Variants in SEMA6A observed in about 807,000 individuals in gnomAD.
SEMA6A encodes semaphorin-6A.
Under a neutral mutation model 96.8 loss-of-function variants are expected in SEMA6A, and 25 were observed. That is an observed-to-expected ratio of 0.26 (90% confidence interval 0.19 to 0.36). The LOEUF is 0.36. Ranked by LOEUF, SEMA6A falls within the 10% of genes least tolerant of loss-of-function variation. The pLI, the probability that SEMA6A is intolerant of heterozygous loss-of-function variation, is 1.00. For synonymous variants in SEMA6A, 612 were observed against 518.0 expected, an observed-to-expected ratio of 1.18 and a Z score of -2.46; for missense variants, 1,363 against 1,323.1, an observed-to-expected ratio of 1.03 and a Z score of -0.47.
At chr5:116,559,499 G>A (rs254206) in intron 1 of SEMA6A, among the ~76,000 whole-genome samples, 113,669 of 151,992 alleles carry the variant, frequency 0.75, 42,970 homozygotes, top group East Asian at 0.85. Context: ...GGCTGACGCC[G>A]TTTTAGGCCT....
intron 8 of SEMA6A, 98 bp downstream of exon 8, chr5:116,488,790 C>T (rs1036449814): frequency 2.5e-5 from 33 of 1,340,674 alleles, no homozygotes; most frequent in Middle Eastern, 1.9e-4. Context: ...AGCCATTACT[C>T]AAATGAAGAT....
At chr5:116,488,862 C>T (rs1347492801) in intron 8 of SEMA6A, 26 bp downstream of exon 8, 1 of 1,544,844 alleles carries the variant, frequency 6.5e-7, no homozygotes, top group Non-Finnish European at 8.7e-7. Flanking sequence ...CCCCTCCGAC[C>T]CTCCTTCTTT....
Position 116,447,170 on chromosome 5 carries a change from G to T in SEMA6A, c.2536C>A (p.Gln846Lys). 1.9e-6 allele frequency: 3 copies of T among 1,614,020 alleles called. No homozygotes were observed. The highest frequency in any genetic ancestry group is 1.7e-6 in the Non-Finnish European group (2 of 1,179,892). ...GTCTTATACTCCAGTGTGGCGGCCTGGTCCTCCAGCGCCATCTGGGCCACC... is the reference window on the plus strand; with the variant it reads ...GTCTTATACTCCAGTGTGGCGGCCTTGTCCTCCAGCGCCATCTGGGCCACC... ...SEVAQMALEDQAATLEYKTIK... is the reference protein window; with the variant it reads ...SEVAQMALEDKAATLEYKTIK... Residue 846 changes from glutamine to lysine, a missense_variant, in exon 19 of 19, where the codon CAG (glutamine) becomes AAG (lysine). This residue lies in a region of SEMA6A where 883 missense variants were observed against 763.6 expected (regional missense o/e 1.16). Transcript: ENST00000343348.
intron 1 of SEMA6A, among the ~76,000 whole-genome samples, chr5:116,516,231 T>C (rs914484121): frequency 6.6e-6 from 1 of 152,186 alleles, no homozygotes; most frequent in African/African-American, 2.4e-5. Flanking sequence ...CCAAGCATGA[T>C]ATTGATGCTG....
At chr5:116,536,896 C>CAAAAAAAAAAAAAAAAAAAAAAAAAAAAA (rs1344678482) in intron 1 of SEMA6A, among the ~76,000 whole-genome samples, 5 of 80,082 alleles carry the variant, frequency 6.2e-5, no homozygotes, top group African/African-American at 1.4e-4. Flanking sequence ...AAAAAAAAAG[C>CAAAAAAAAAAAAAAAAAAAAAAAAAAAAA]AAAACTGGTG....
At chr5:116,523,964 T>C (rs1173981227) in intron 1 of SEMA6A, among the ~76,000 whole-genome samples, 2 of 152,122 alleles carry the variant, frequency 1.3e-5, no homozygotes, top group African/African-American at 4.8e-5. Flanking sequence ...CTGCATGGAG[T>C]GGCTTTAAAA....
At chr5:116,451,418 A>T (rs1754625467) in intron 18 of SEMA6A, among the ~76,000 whole-genome samples, 1 of 152,184 alleles carries the variant, frequency 6.6e-6, no homozygotes, top group Non-Finnish European at 1.5e-5. Context: ...AATGTAGTCA[A>T]AAAGGTGATA....
chr5:116,567,463 C>A (rs777996616), intron 1 of SEMA6A, among the ~76,000 whole-genome samples: 1 of 152,114 alleles, frequency 6.6e-6, no homozygotes, highest in Non-Finnish European at 1.5e-5. Context: ...ACTACTGTTA[C>A]TCAAGTAAAA....
Position 116,507,784 on chromosome 5 carries a change from T to A in SEMA6A, c.-38-2802A>T, listed in dbSNP as rs1012519863. On this transcript the variant is annotated intron_variant, in intron 1 of 18. Transcript: ENST00000343348. ...TTACTTCATAAGTAAGCCTATTATA[T>A]CTGAATTTTCCATCTACTTGTCTCA... Among the ~76,000 whole-genome samples the A allele has an allele frequency of 2.6e-5, 4 of 152,206 alleles. No homozygotes were observed. In the East Asian group the frequency reaches 7.7e-4, roughly 29 times the overall value.
In SEMA6A at chr5:116,486,687, A is replaced by T. The variant is rs547236744; in HGVS notation, c.962+62T>A. Reference sequence around the variant, plus strand: ...TGCAAATATGGTTTATTAGAAGAGAACCCCCTGGGAGAAGGAAGCCAGGAA... The same window carrying T: ...TGCAAATATGGTTTATTAGAAGAGATCCCCCTGGGAGAAGGAAGCCAGGAA... On this transcript the variant is annotated intron_variant, in intron 10 of 18. Coordinates refer to ENST00000343348, the MANE Select transcript of SEMA6A (RefSeq NM_020796.5). 12 of 1,358,672 alleles carry T rather than the reference A, an allele frequency of 8.8e-6. No homozygotes were observed. In the East Asian group the frequency reaches 2.5e-4, roughly 29 times the overall value. 84.2% of individuals were successfully genotyped at this position (1,358,672 alleles called of 1,614,324 possible).
At chr5:116,474,936 C>G (rs965283008) in intron 16 of SEMA6A, among the ~76,000 whole-genome samples, 1 of 152,116 alleles carries the variant, frequency 6.6e-6, no homozygotes, top group Non-Finnish European at 1.5e-5. Flanking sequence ...AGATCCTTTA[C>G]GTAAAGTTCT....
At position 116,505,063 on chromosome 5, in the gene SEMA6A, T is replaced by C. The variant is rs746421479; in HGVS notation, c.-38-81A>G. 160 of 654,752 alleles carry C rather than the reference T, an allele frequency of 2.4e-4. No individual in the cohort carries two copies. In the East Asian group the frequency reaches 4.4e-3, roughly 18 times the overall value. The allele number at this position is 654,752 out of a possible 1,614,324, so 40.6% of individuals were successfully genotyped here. A position where few individuals can be genotyped will look rare whatever the true frequency, so the allele number is the denominator to read the frequency against. Reference sequence around the variant, plus strand: ...AAATGAAATACCCTGAAAGATAAATTCGAGAGAAAAAAAGGCTTCTGCTTT... The same window carrying C: ...AAATGAAATACCCTGAAAGATAAATCCGAGAGAAAAAAAGGCTTCTGCTTT... On this transcript the variant is annotated intron_variant, in intron 1 of 18. Coordinates refer to ENST00000343348, the MANE Select transcript of SEMA6A (RefSeq NM_020796.5).
chr5:116,448,755 CAAAAAAA>C (rs3984966), intron 18 of SEMA6A, among the ~76,000 whole-genome samples: 3 of 106,544 alleles, frequency 2.8e-5, no homozygotes, highest in Non-Finnish European at 3.7e-5. Flanking sequence ...CATCACCTCT[CAAAAAAA>C]AAAAAAAAAA....
chr5:116,571,112 T>TA (rs1188964295), intron 1 of SEMA6A, among the ~76,000 whole-genome samples: 31 of 150,600 alleles, frequency 2.1e-4, no homozygotes, highest in Admixed American at 2.0e-3. Flanking sequence ...AAGGCATATA[T>TA]TTTTTTTTTC....
At chr5:116,523,204 TCTC>T (rs1360963459) in intron 1 of SEMA6A, among the ~76,000 whole-genome samples, 10 of 152,144 alleles carry the variant, frequency 6.6e-5, no homozygotes, top group Non-Finnish European at 1.0e-4. Flanking sequence ...TGGTTCTCCT[TCTC>T]CTCAGAGCTG....
Position 116,488,189 on chromosome 5 carries a change from G to A in SEMA6A, c.663C>T (p.Tyr221=), listed in dbSNP as rs1757154551. ...CTCCGTAATCCACGGCTTGAACAAA[G>A]TATGGTTCTGTAGACAAACAGGCAC... The part of the protein sequence containing the change: ...KHDSKWLKEP[Y]FVQAVDYGDY... Residue 221 remains tyrosine (Y), a synonymous_variant, in exon 9 of 19, where the codon TAC becomes TAT. Coordinates refer to ENST00000343348, the MANE Select transcript of SEMA6A (RefSeq NM_020796.5). The A allele has an allele frequency of 3.1e-6, 5 of 1,606,436 alleles. No individual in the cohort carries two copies. The highest frequency in any genetic ancestry group is 4.3e-6 in the Non-Finnish European group (5 of 1,175,108).
At chr5:116,537,095 G>A (rs1199046710) in intron 1 of SEMA6A, among the ~76,000 whole-genome samples, 1 of 152,176 alleles carries the variant, frequency 6.6e-6, no homozygotes, top group Non-Finnish European at 1.5e-5. Context: ...AGCTCCAACA[G>A]CAGTTAGAAG....
intron 11 of SEMA6A, among the ~76,000 whole-genome samples, 160 bp downstream of exon 11, chr5:116,482,284 A>G (rs1434994573): frequency 1.3e-5 from 2 of 152,190 alleles, no homozygotes; most frequent in African/African-American, 2.4e-5. Flanking sequence ...TGGTTTGAGT[A>G]TATGAGAAGG....
chr5:116,544,544 C>T (rs923235917), intron 1 of SEMA6A, among the ~76,000 whole-genome samples: 3 of 152,060 alleles, frequency 2.0e-5, no homozygotes, highest in African/African-American at 7.2e-5. Context: ...AGTGATCCTC[C>T]CGTCTCAGCT....
Sources: gnomAD v4.1 joint callset for allele counts (sites outside exome capture counted in the v4.1 genomes callset) on GRCh38, gnomAD v4.1.1 for gene constraint, gnomAD v4.1.1 regional missense constraint, MANE v1.5 for transcripts, NCBI Gene and HGNC (gene_info 2026-07-23, HGNC 2026-07-21) for gene names.